PRKN: variants seen among roughly 807,000 people sequenced by gnomAD.
PRKN encodes the protein E3 ubiquitin-protein ligase parkin.
In PRKN, 56 loss-of-function variants were observed where a neutral mutation model predicts 59.5. The observed-to-expected ratio is 0.94, with a 90% CI of 0.76 to 1.18. PRKN has a LOEUF of 1.18. PRKN is among the 50% of genes most tolerant of loss of function. PRKN has a pLI of 0.00. For synonymous variants in PRKN, 250 were observed against 222.1 expected, an observed-to-expected ratio of 1.13 and a Z score of -1.12; for missense variants, 657 against 596.4, an observed-to-expected ratio of 1.10 and a Z score of -1.06.
At chr6:161,710,899 TTCC>T (rs1368417691) in intron 7 of PRKN, among the ~76,000 whole-genome samples, 6 of 127,612 alleles carry the variant, frequency 4.7e-5, no homozygotes, top group Admixed American at 1.7e-4. Context: ...CTCCCTTTCC[TTCC>T]TCCTCCCTTT....
chr6:162,213,532 C>G (rs993491393), intron 3 of PRKN, among the ~76,000 whole-genome samples: 2 of 151,944 alleles, frequency 1.3e-5, no homozygotes, highest in African/African-American at 4.8e-5. Context: ...TCGAGATCAG[C>G]CTGGGCAGCA....
chr6:161,697,010 G>A (rs957284009), intron 7 of PRKN, among the ~76,000 whole-genome samples: 1 of 152,174 alleles, frequency 6.6e-6, no homozygotes, highest in Non-Finnish European at 1.5e-5. Flanking sequence ...TGCACATAAT[G>A]TAGCTTCCCT....
At chr6:162,146,633 T>C (rs1289201226) in intron 4 of PRKN, among the ~76,000 whole-genome samples, 1 of 151,990 alleles carries the variant, frequency 6.6e-6, no homozygotes, top group Non-Finnish European at 1.5e-5. Context: ...GCCTCCCAAG[T>C]AGCTGGGACT....
intron 7 of PRKN, among the ~76,000 whole-genome samples, chr6:161,701,947 T>G (rs1202298493): frequency 6.6e-6 from 1 of 152,210 alleles, no homozygotes; most frequent in African/African-American, 2.4e-5. Context: ...ACAAGCCGCA[T>G]ACACTTAGGG....
chr6:162,477,785 T>A (rs1792095574), intron 1 of PRKN, among the ~76,000 whole-genome samples: 1 of 152,210 alleles, frequency 6.6e-6, no homozygotes, highest in Admixed American at 6.5e-5. Flanking sequence ...TTCTCTGGGA[T>A]AACCTTTCCC....
chr6:162,374,681 G>C (rs1176289472), intron 2 of PRKN, among the ~76,000 whole-genome samples: 2 of 151,878 alleles, frequency 1.3e-5, no homozygotes, highest in Non-Finnish European at 2.9e-5. Context: ...ACAGTGACTT[G>C]TTGATCACTT....
intron 4 of PRKN, among the ~76,000 whole-genome samples, chr6:162,159,209 C>T (rs1562549315): frequency 1.3e-5 from 2 of 150,780 alleles, no homozygotes; most frequent in South Asian, 4.1e-4. Flanking sequence ...TTTCTATTGA[C>T]TAATTATCTA....
intron 1 of PRKN, among the ~76,000 whole-genome samples, chr6:162,475,466 ATGT>A (rs71961546): frequency 0.15 from 22,726 of 152,214 alleles, 1,903 homozygotes; most frequent in Non-Finnish European, 0.18. Flanking sequence ...AACAGCAGAC[ATGT>A]TGTTACTGGA....
At position 162,577,813 on chromosome 6, in the gene PRKN, C is replaced by T. The variant is rs145398312; in HGVS notation, c.8-134340G>A. Among the ~76,000 whole-genome samples the T allele has an allele frequency of 4.9e-4, 74 of 152,160 alleles. No homozygotes were observed. The East Asian group carries it at 0.011, about 22-fold the overall frequency. Reference sequence around the variant, plus strand: ...GCAAGATGGTGCATGCCTGTAGTCCCAGCTACTTGAGAAGCTCAGGTGAGA... The same window carrying T: ...GCAAGATGGTGCATGCCTGTAGTCCTAGCTACTTGAGAAGCTCAGGTGAGA... On this transcript the variant is annotated intron_variant, in intron 1 of 11. Coordinates refer to ENST00000366898, the MANE Select transcript of PRKN (RefSeq NM_004562.3).
chr6:161,841,266 A>G (rs1056631908), intron 6 of PRKN, among the ~76,000 whole-genome samples: 5 of 152,112 alleles, frequency 3.3e-5, no homozygotes, highest in Non-Finnish European at 7.3e-5. Context: ...CATATCTCCT[A>G]ATGACAGAGT....
chr6:162,208,336 C>T (rs1030576773), intron 3 of PRKN, among the ~76,000 whole-genome samples: 5 of 152,158 alleles, frequency 3.3e-5, no homozygotes, highest in African/African-American at 1.2e-4. Flanking sequence ...AGTGAATGTA[C>T]TTCTAAAAAA....
rs528515037 is a variant in PRKN at position 161,413,081 on chromosome 6, C to G, written c.1084-26204G>C. Among the ~76,000 whole-genome samples, 1 of 152,212 alleles carries G rather than the reference C, an allele frequency of 6.6e-6. No homozygotes were observed. The highest frequency in any genetic ancestry group is 1.5e-5 in the Non-Finnish European group (1 of 68,044). ...TTGAGCTTTATTCTGGCAGCAAATT[C>G]AGCTCCTTTGGAAATTATATTACCT... On this transcript the variant is annotated intron_variant, in intron 9 of 11. Transcript: ENST00000366898. The surrounding 1 kb of genome is among the most constrained non-coding windows in gnomAD (Gnocchi z 4.4).
At chr6:161,532,545 C>T (rs536667) in intron 9 of PRKN, among the ~76,000 whole-genome samples, 120,768 of 152,050 alleles carry the variant, frequency 0.79, 48,283 homozygotes, top group Middle Eastern at 0.86. Flanking sequence ...TTAAATGTTC[C>T]AGAGACATTG....
chr6:161,380,447 T>C (rs941794587), intron 10 of PRKN, among the ~76,000 whole-genome samples: 48 of 150,374 alleles, frequency 3.2e-4, no homozygotes, highest in African/African-American at 1.1e-3. Context: ...TTTTTTTTTT[T>C]TGGAGACAGA....
intron 7 of PRKN, among the ~76,000 whole-genome samples, chr6:161,711,706 C>T (rs976844680): frequency 6.6e-6 from 1 of 152,110 alleles, no homozygotes; most frequent in African/African-American, 2.4e-5. Context: ...TGGGTGGGCA[C>T]CATCTAATCA....
At chr6:162,726,344 T>C (rs1430774508) in intron 1 of PRKN, among the ~76,000 whole-genome samples, 1 of 152,240 alleles carries the variant, frequency 6.6e-6, no homozygotes, top group Admixed American at 6.5e-5. Context: ...TCTCTTCTAC[T>C]TGGTTTTCTG....
At chr6:162,716,818 T>C (rs1264584884) in intron 1 of PRKN, among the ~76,000 whole-genome samples, 1 of 151,388 alleles carries the variant, frequency 6.6e-6, no homozygotes, top group Admixed American at 6.6e-5. Context: ...AGACTCCTCA[T>C]GTGTAACACT....
intron 6 of PRKN, among the ~76,000 whole-genome samples, chr6:161,960,040 A>G (rs1420686566): frequency 6.6e-6 from 1 of 152,184 alleles, no homozygotes; most frequent in Non-Finnish European, 1.5e-5. Context: ...ATTGGGGTAT[A>G]TGATCCTAAA....
chr6:161,912,953 G>C (rs1424472186), intron 6 of PRKN, among the ~76,000 whole-genome samples: 1 of 152,048 alleles, frequency 6.6e-6, no homozygotes, highest in Non-Finnish European at 1.5e-5. Context: ...GAGGCGGGTG[G>C]ATCACCTGAA....
Sources: gnomAD v4.1 joint callset for allele counts (sites outside exome capture counted in the v4.1 genomes callset) on GRCh38, gnomAD v4.1.1 for gene constraint, Gnocchi (gnomAD v3.1) non-coding constraint, MANE v1.5 for transcripts, NCBI Gene and HGNC (gene_info 2026-07-23, HGNC 2026-07-21) for gene names.